The following CA8 variants were observed in gnomAD, a reference collection of about 807,000 sequenced individuals.
The protein encoded by CA8 is carbonic anhydrase-related protein.
In CA8, 22 loss-of-function variants were observed where a neutral mutation model predicts 41.4. That is an observed-to-expected ratio of 0.53 (90% confidence interval 0.38 to 0.76). CA8 has a LOEUF of 0.76. CA8 is among the 30% of genes least tolerant of loss of function. CA8 has a pLI of 0.00. For synonymous variants in CA8, 121 were observed against 130.6 expected (o/e 0.93, Z 0.50); for missense variants, 270 against 352.8 (o/e 0.77, Z 1.88).
intron 8 of CA8, among the ~76,000 whole-genome samples, chr8:60,202,883 G>C (rs912055699): frequency 2.0e-5 from 3 of 152,170 alleles, no homozygotes; most frequent in Non-Finnish European, 4.4e-5. Flanking sequence ...CCCTGGCATA[G>C]TAAAGATTCT....
intron 2 of CA8, among the ~76,000 whole-genome samples, chr8:60,273,226 C>G (rs1685386754): frequency 6.6e-6 from 1 of 152,210 alleles, no homozygotes; most frequent in Non-Finnish European, 1.5e-5. Context: ...CATGTTATGA[C>G]TGCAGTATTT....
intron 3 of CA8, among the ~76,000 whole-genome samples, chr8:60,259,658 C>T (rs1340199319): frequency 6.6e-6 from 1 of 151,904 alleles, no homozygotes; most frequent in African/African-American, 2.4e-5. Context: ...AATAAATATG[C>T]TGAATCAAAG....
intron 1 of CA8, 108 bp downstream of exon 1, chr8:60,280,940 G>A (rs1804399547): frequency 3.8e-6 from 3 of 784,466 alleles, no homozygotes; most frequent in East Asian, 2.6e-5. Context: ...GAAAGAGGGG[G>A]CGTGGGGGTG....
At chr8:60,247,364 CCCA>C (rs1808283825) in intron 3 of CA8, among the ~76,000 whole-genome samples, 1 of 152,014 alleles carries the variant, frequency 6.6e-6, no homozygotes, top group Non-Finnish European at 1.5e-5. Flanking sequence ...GGTTTTAAGC[CCCA>C]CATGCATTAG....
intron 3 of CA8, among the ~76,000 whole-genome samples, chr8:60,244,364 G>T (rs1161774972): frequency 6.6e-6 from 1 of 152,180 alleles, no homozygotes; most frequent in Non-Finnish European, 1.5e-5. Context: ...CTCATCAGGT[G>T]CTCCTATCTG....
At chr8:60,207,026 G>T (rs974361125) in intron 8 of CA8, among the ~76,000 whole-genome samples, 1 of 152,034 alleles carries the variant, frequency 6.6e-6, no homozygotes, top group African/African-American at 2.4e-5. Flanking sequence ...AGGTGGCTGC[G>T]ACCTGGAGTC....
At chr8:60,279,150 A>C (rs1331692023) in intron 2 of CA8, among the ~76,000 whole-genome samples, 2 of 152,054 alleles carry the variant, frequency 1.3e-5, no homozygotes, top group African/African-American at 4.8e-5. Context: ...TAAAAGGAAG[A>C]GGTTTGTTTA....
intron 3 of CA8, among the ~76,000 whole-genome samples, chr8:60,263,889 T>C (rs1803816459): frequency 6.6e-6 from 1 of 152,238 alleles, no homozygotes; most frequent in Non-Finnish European, 1.5e-5. Flanking sequence ...GATAGAGCAC[T>C]AAGTGAACAC....
intron 6 of CA8, 122 bp downstream of exon 6, chr8:60,224,415 C>A: frequency 1.4e-6 from 1 of 690,816 alleles, no homozygotes; most frequent in Non-Finnish European, 2.6e-6. Flanking sequence ...ATCTGCTAAA[C>A]AGAATACAAA....
chr8:60,269,220 CT>C (rs1389976260), intron 2 of CA8, among the ~76,000 whole-genome samples: 2 of 152,090 alleles, frequency 1.3e-5, no homozygotes, highest in African/African-American at 4.8e-5. Context: ...ATTATTCTCC[CT>C]TTTTACTGCT....
At chr8:60,235,458 G>A (rs967123112) in intron 3 of CA8, among the ~76,000 whole-genome samples, 17 of 152,132 alleles carry the variant, frequency 1.1e-4, no homozygotes, top group African/African-American at 4.1e-4. Context: ...AATTTGGCAG[G>A]GACACAATTC....
At chr8:60,260,131 A>C (rs1803682241) in intron 3 of CA8, among the ~76,000 whole-genome samples, 1 of 152,210 alleles carries the variant, frequency 6.6e-6, no homozygotes, top group Non-Finnish European at 1.5e-5. Flanking sequence ...TGTCTGTGGA[A>C]GGTGAAAAAA....
chr8:60,254,833 C>T (rs1808570043), intron 3 of CA8, among the ~76,000 whole-genome samples: 1 of 152,112 alleles, frequency 6.6e-6, no homozygotes, highest in Admixed American at 6.5e-5. Flanking sequence ...CCCTGTTTAC[C>T]AAACCCTACT....
chr8:60,215,586 T>C (rs1806992381), intron 7 of CA8, among the ~76,000 whole-genome samples: 1 of 152,178 alleles, frequency 6.6e-6, no homozygotes, highest in Non-Finnish European at 1.5e-5. Context: ...AATAAAGTTA[T>C]GTAATGGTTA....
At chr8:60,220,825 A>C (rs965619922) in intron 7 of CA8, among the ~76,000 whole-genome samples, 1 of 152,164 alleles carries the variant, frequency 6.6e-6, no homozygotes, top group African/African-American at 2.4e-5. Context: ...AACAGAAAGC[A>C]AGCACAAGTG....
chr8:60,233,851 A>G (rs2130500420), intron 3 of CA8, among the ~76,000 whole-genome samples: 1 of 151,988 alleles, frequency 6.6e-6, no homozygotes, highest in Non-Finnish European at 1.5e-5. Context: ...CTTTTTCCCT[A>G]CTCCCCACAA....
At chr8:60,227,929 A>G (rs1301139690) in intron 4 of CA8, among the ~76,000 whole-genome samples, 1 of 152,244 alleles carries the variant, frequency 6.6e-6, no homozygotes, top group Non-Finnish European at 1.5e-5. Context: ...ACCAATTTCC[A>G]GTGGTCCATG....
At chr8:60,272,743 T>G (rs1345463554) in intron 2 of CA8, among the ~76,000 whole-genome samples, 1 of 152,264 alleles carries the variant, frequency 6.6e-6, no homozygotes, top group African/African-American at 2.4e-5. Flanking sequence ...GACCTACCAT[T>G]GTATCCTCCT....
At chr8:60,263,841 C>T (rs889338122) in intron 3 of CA8, among the ~76,000 whole-genome samples, 9 of 152,240 alleles carry the variant, frequency 5.9e-5, no homozygotes, top group African/African-American at 1.9e-4. Context: ...AGATCTCCTT[C>T]TAGTTCTGCA....
Sources: allele counts gnomAD v4.1 joint callset (sites outside exome capture counted in the v4.1 genomes callset), GRCh38; gene constraint gnomAD v4.1.1; transcripts MANE v1.5; gene names NCBI Gene and HGNC (gene_info 2026-07-23, HGNC 2026-07-21).